TRAPPC9: variants seen among roughly 807,000 people sequenced by gnomAD.
TRAPPC9 encodes trafficking protein particle complex subunit 9.
A neutral mutation model predicts 124.0 loss-of-function variants in TRAPPC9; 83 were observed. The ratio of observed to expected loss-of-function variants is 0.67; its 90% CI spans 0.56 to 0.80. The LOEUF is 0.80. Among genes scored for constraint, TRAPPC9 ranks in the 30% least tolerant of loss-of-function variants. The pLI, the probability that TRAPPC9 is intolerant of heterozygous loss-of-function variation, is 0.00. For synonymous variants in TRAPPC9, 638 were observed against 617.5 expected, an observed-to-expected ratio of 1.03 and a Z score of -0.49; for missense variants, 1,302 against 1,508.3, an observed-to-expected ratio of 0.86 and a Z score of 2.27.
chr8:139,747,825 G>A (rs1187113913), intron 21 of TRAPPC9, among the ~76,000 whole-genome samples: 2 of 61,710 alleles, frequency 3.2e-5, no homozygotes, highest in Non-Finnish European at 5.7e-5. Flanking sequence ...GGGGTGTCCC[G>A]GGGTCAGAGC....
At chr8:140,077,582 C>T (rs1006504911) in intron 17 of TRAPPC9, among the ~76,000 whole-genome samples, 3 of 151,832 alleles carry the variant, frequency 2.0e-5, no homozygotes, top group Non-Finnish European at 4.4e-5. Context: ...TGCATTTGAG[C>T]AGGGCAGATG....
chr8:140,036,183 G>GT (rs1269526156), intron 17 of TRAPPC9, among the ~76,000 whole-genome samples: 95 of 151,506 alleles, frequency 6.3e-4, no homozygotes, highest in African/African-American at 1.9e-3. Flanking sequence ...GGAAGCCTTC[G>GT]AAGACTTTTT....
chr8:139,996,972 C>T (rs887901590), intron 18 of TRAPPC9, among the ~76,000 whole-genome samples: 4 of 152,186 alleles, frequency 2.6e-5, no homozygotes, highest in African/African-American at 9.7e-5. Flanking sequence ...GTCTCGAATG[C>T]CTGACCTCAG....
At chr8:139,955,841 A>C (rs1358243860) in intron 19 of TRAPPC9, among the ~76,000 whole-genome samples, 1 of 152,182 alleles carries the variant, frequency 6.6e-6, no homozygotes, top group Non-Finnish European at 1.5e-5. Flanking sequence ...GCTTCTTTCC[A>C]AGAGAAACTG....
intron 19 of TRAPPC9, among the ~76,000 whole-genome samples, chr8:139,919,985 T>G (rs1160563085): frequency 6.6e-6 from 1 of 152,256 alleles, no homozygotes; most frequent in African/African-American, 2.4e-5. Context: ...GGTGGGTTTT[T>G]GGGTTTTCTC....
intron 18 of TRAPPC9, among the ~76,000 whole-genome samples, chr8:140,011,616 A>G (rs964344829): frequency 1.5e-4 from 17 of 111,026 alleles, no homozygotes; most frequent in Non-Finnish European, 2.3e-4. Context: ...TGATTCTCCT[A>G]CCTCAGCCTC....
intron 17 of TRAPPC9, among the ~76,000 whole-genome samples, chr8:140,171,126 G>A (rs1194359616): frequency 6.6e-6 from 1 of 152,192 alleles, no homozygotes; most frequent in Non-Finnish European, 1.5e-5. Context: ...CCCATTAAAT[G>A]AGCTGATAAA....
intron 4 of TRAPPC9, among the ~76,000 whole-genome samples, chr8:140,430,108 T>C (rs1392286582): frequency 1.3e-5 from 2 of 151,088 alleles, no homozygotes; most frequent in African/African-American, 4.9e-5. Context: ...GATCACGACA[T>C]TGCACTCCAG....
At chr8:140,276,785 G>A (rs999846091) in intron 14 of TRAPPC9, among the ~76,000 whole-genome samples, 2 of 151,978 alleles carry the variant, frequency 1.3e-5, no homozygotes, top group Non-Finnish European at 2.9e-5. Context: ...CAGGACAAAG[G>A]GGCAGACAGA....
At chr8:139,922,802 G>A (rs544091654) in intron 19 of TRAPPC9, among the ~76,000 whole-genome samples, 59 of 152,338 alleles carry the variant, frequency 3.9e-4, no homozygotes, top group Non-Finnish European at 6.5e-4. Context: ...AATCCATCCC[G>A]TGGACACTAG....
At chr8:140,067,285 A>G (rs1842937924) in intron 17 of TRAPPC9, among the ~76,000 whole-genome samples, 1 of 152,150 alleles carries the variant, frequency 6.6e-6, no homozygotes, top group South Asian at 2.1e-4. Flanking sequence ...CTGGGACTAC[A>G]GGCGTGTGCC....
At chr8:139,828,350 T>C (rs1401899512) in intron 21 of TRAPPC9, among the ~76,000 whole-genome samples, 1 of 152,238 alleles carries the variant, frequency 6.6e-6, no homozygotes, top group Non-Finnish European at 1.5e-5. Context: ...TAGCATTCTC[T>C]TTTATGATCT....
chr8:140,165,322 C>T (rs1413129737), intron 17 of TRAPPC9, among the ~76,000 whole-genome samples: 2 of 151,758 alleles, frequency 1.3e-5, no homozygotes. Context: ...GCCTGGATGA[C>T]AGAGTGAGAT....
Position 140,221,587 on chromosome 8 carries a change from C to T in TRAPPC9, c.2432-4G>A, listed in dbSNP as rs1407082808. The T allele has an allele frequency of 6.2e-7, 1 of 1,613,428 alleles. No homozygotes were observed. Among genetic ancestry groups the T allele is most frequent in the East Asian group, 2.2e-5 (1 of 44,862 alleles). On this transcript the variant is annotated splice_polypyrimidine_tract_variant and splice_region_variant and intron_variant, in intron 16 of 22. Transcript: ENST00000438773. ...AAGCCACTCACACTGATTCCATCTA[C>T]AAAATAAGAACAAAAATCATAAGTA...
intron 7 of TRAPPC9, among the ~76,000 whole-genome samples, chr8:140,391,442 G>A (rs1353375770): frequency 6.6e-6 from 1 of 152,172 alleles, no homozygotes; most frequent in African/African-American, 2.4e-5. Context: ...GCCGGGTGCA[G>A]TGGCTCACGC....
At chr8:139,880,506 C>T (rs1648451805) in intron 21 of TRAPPC9, among the ~76,000 whole-genome samples, 1 of 152,110 alleles carries the variant, frequency 6.6e-6, no homozygotes, top group South Asian at 2.1e-4. Flanking sequence ...CTTGACCCAA[C>T]CCAGACCCTC....
At chr8:140,112,688 T>C (rs2060804817) in intron 17 of TRAPPC9, among the ~76,000 whole-genome samples, 1 of 152,170 alleles carries the variant, frequency 6.6e-6, no homozygotes, top group African/African-American at 2.4e-5. Context: ...TCCTGTCAGA[T>C]AGAATGGCCA....
At chr8:140,303,213 C>T (rs542289771) in intron 10 of TRAPPC9, among the ~76,000 whole-genome samples, 9 of 152,298 alleles carry the variant, frequency 5.9e-5, no homozygotes, top group African/African-American at 2.2e-4. Context: ...TTCACGTAAA[C>T]GCCTTCATTA....
At chr8:140,132,866 G>T (rs2061231975) in intron 17 of TRAPPC9, among the ~76,000 whole-genome samples, 1 of 152,132 alleles carries the variant, frequency 6.6e-6, no homozygotes, top group Non-Finnish European at 1.5e-5. Context: ...GCTAAGGCTT[G>T]GCAGCACGCA....
Sources: allele counts gnomAD v4.1 joint callset (sites outside exome capture counted in the v4.1 genomes callset), GRCh38; gene constraint gnomAD v4.1.1; transcripts MANE v1.5; gene names NCBI Gene and HGNC (gene_info 2026-07-23, HGNC 2026-07-21).